NELL2: variants seen among roughly 807,000 people sequenced by gnomAD.
The protein encoded by NELL2 is protein kinase C-binding protein NELL2.
Under a neutral mutation model 109.6 loss-of-function variants are expected in NELL2, and 41 were observed. That is an observed-to-expected ratio of 0.37 (90% CI 0.29 to 0.49). NELL2 has a LOEUF of 0.49. Ranked by LOEUF, NELL2 falls within the 20% of genes least tolerant of loss-of-function variation. The pLI, the probability that NELL2 is intolerant of heterozygous loss-of-function variation, is 0.98. For synonymous variants in NELL2, 355 were observed against 344.7 expected, an observed-to-expected ratio of 1.03 and a Z score of -0.33; for missense variants, 900 against 1,008.3, an observed-to-expected ratio of 0.89 and a Z score of 1.45.
intron 2 of NELL2, among the ~76,000 whole-genome samples, chr12:44,865,361 C>T (rs1252025718): frequency 6.9e-6 from 1 of 143,914 alleles, no homozygotes; most frequent in African/African-American, 2.6e-5. Context: ...GACACATGCA[C>T]ACGTATGTTT....
chr12:44,687,167 T>G (rs1948748719), intron 12 of NELL2, among the ~76,000 whole-genome samples: 1 of 152,202 alleles, frequency 6.6e-6, no homozygotes, highest in Non-Finnish European at 1.5e-5. Flanking sequence ...GACCCGATTT[T>G]CCAGGTGCTG....
intron 17 of NELL2, 92 bp downstream of exon 17, chr12:44,523,199 C>A: frequency 8.3e-7 from 1 of 1,211,688 alleles, no homozygotes; most frequent in Non-Finnish European, 1.2e-6. Flanking sequence ...TGGATGTACA[C>A]ATTGTCAAAA....
chr12:44,636,161 T>C (rs1946628372), intron 13 of NELL2, among the ~76,000 whole-genome samples: 1 of 152,184 alleles, frequency 6.6e-6, no homozygotes, highest in African/African-American at 2.4e-5. Context: ...CTGAGGTTGC[T>C]TATCAGCTTA....
At chr12:44,593,416 G>A (rs994309774) in intron 15 of NELL2, among the ~76,000 whole-genome samples, 1 of 152,168 alleles carries the variant, frequency 6.6e-6, no homozygotes, top group African/African-American at 2.4e-5. Flanking sequence ...TGCCATTTTG[G>A]AGCTATATTG....
intron 15 of NELL2, among the ~76,000 whole-genome samples, chr12:44,605,649 C>T (rs896821127): frequency 5.3e-5 from 8 of 152,126 alleles, no homozygotes; most frequent in African/African-American, 9.7e-5. Flanking sequence ...GGATTGTGCA[C>T]GGCCACTGTT....
chr12:44,756,318 ATT>A (rs1289743688), intron 9 of NELL2, among the ~76,000 whole-genome samples: 2 of 151,256 alleles, frequency 1.3e-5, no homozygotes, highest in African/African-American at 2.4e-5. Context: ...CTTATCTCTC[ATT>A]TTCTCTCTCT....
rs1454279980 is a variant in NELL2, at chr12:44,809,076, G to A, written c.335+6910C>T. 1.3e-5 allele frequency among the ~76,000 whole-genome samples: 2 copies of A among 151,910 alleles called. 1 individual carries two copies. Among genetic ancestry groups the A allele is most frequent in the Non-Finnish European group, 2.9e-5 (2 of 67,938 alleles). On this transcript the variant is annotated intron_variant, in intron 3 of 19. Coordinates refer to ENST00000429094, the MANE Select transcript of NELL2 (RefSeq NM_001145108.2). Reference sequence around the variant, plus strand: ...CTTGGAACAAATTTGTATATCTAAAGTCCAAGATTATTTTAAATAAAGAAG... The same window carrying A: ...CTTGGAACAAATTTGTATATCTAAAATCCAAGATTATTTTAAATAAAGAAG...
intron 16 of NELL2, chr12:44,523,697 A>C: frequency 1.8e-6 from 1 of 559,666 alleles, no homozygotes; most frequent in South Asian, 2.3e-5. Flanking sequence ...TTAAAAAATC[A>C]GGTAACCTTG....
intron 15 of NELL2, among the ~76,000 whole-genome samples, chr12:44,553,885 A>T (rs1029563677): frequency 6.6e-6 from 1 of 152,184 alleles, no homozygotes; most frequent in Non-Finnish European, 1.5e-5. Flanking sequence ...ACACATGCAC[A>T]CACACGCACA....
At chr12:44,544,493 C>T (rs1343553516) in intron 15 of NELL2, among the ~76,000 whole-genome samples, 2 of 151,736 alleles carry the variant, frequency 1.3e-5, no homozygotes, top group African/African-American at 4.8e-5. Context: ...GAAAATAGTC[C>T]CTCAGGTAAT....
At chr12:44,697,491 T>C (rs1232510513) in intron 12 of NELL2, among the ~76,000 whole-genome samples, 2 of 152,170 alleles carry the variant, frequency 1.3e-5, no homozygotes, top group East Asian at 1.9e-4. Context: ...CCACACAGAC[T>C]GTGGCCCCAG....
At chr12:44,620,127 T>TG (rs1218076655) in intron 13 of NELL2, among the ~76,000 whole-genome samples, 2 of 151,658 alleles carry the variant, frequency 1.3e-5, no homozygotes, top group Admixed American at 1.3e-4. Flanking sequence ...TTTTGTTTTT[T>TG]TTTTTTTTTT....
chr12:44,615,555 G>A (rs534993062), intron 13 of NELL2, among the ~76,000 whole-genome samples: 2 of 152,194 alleles, frequency 1.3e-5, no homozygotes, highest in African/African-American at 4.8e-5. Flanking sequence ...CCAAAATTCA[G>A]GCTATTGATT....
At chr12:44,748,335 TAA>T (rs1018471160) in intron 9 of NELL2, among the ~76,000 whole-genome samples, 1 of 152,194 alleles carries the variant, frequency 6.6e-6, no homozygotes, top group Non-Finnish European at 1.5e-5. Flanking sequence ...TTTGCTTTTC[TAA>T]GTCATTGGTA....
At chr12:44,665,067 A>C (rs1335886488) in intron 13 of NELL2, among the ~76,000 whole-genome samples, 2 of 151,858 alleles carry the variant, frequency 1.3e-5, no homozygotes, top group African/African-American at 2.4e-5. Flanking sequence ...AAGCTCATTT[A>C]TATTTAATAG....
chr12:44,623,041 C>T (rs1946114992), intron 13 of NELL2, among the ~76,000 whole-genome samples: 3 of 151,950 alleles, frequency 2.0e-5, no homozygotes, highest in Admixed American at 2.0e-4. Context: ...CTTTAAAGGT[C>T]TTTTAATATT....
At chr12:44,552,782 C>T (rs1943091673) in intron 15 of NELL2, among the ~76,000 whole-genome samples, 1 of 152,106 alleles carries the variant, frequency 6.6e-6, no homozygotes, top group South Asian at 2.1e-4. Flanking sequence ...ATAGCACTCT[C>T]TCTTTCAATG....
chr12:44,539,755 A>C lies in NELL2; in HGVS notation c.1664-7034T>G, dbSNP rs931583613. Among the ~76,000 whole-genome samples, 30 of 152,156 alleles carry C rather than the reference A, an allele frequency of 2.0e-4. 1 individual carries two copies. Among genetic ancestry groups the C allele is most frequent in the Non-Finnish European group, 5.9e-5 (4 of 68,018 alleles). ...AATTTAATGTTTATCTCTAAGAGTA[A>C]ATTTCAAATGGCCATAAATTGTTAT... On this transcript the variant is annotated intron_variant, in intron 15 of 19. Transcript: ENST00000429094.
At chr12:44,808,068 T>C (rs1431455808) in intron 3 of NELL2, among the ~76,000 whole-genome samples, 3 of 152,010 alleles carry the variant, frequency 2.0e-5, no homozygotes, top group African/African-American at 7.2e-5. Flanking sequence ...TGCATCCCCA[T>C]CTAGGAGGAA....
Sources: gnomAD v4.1 joint callset for allele counts (sites outside exome capture counted in the v4.1 genomes callset) on GRCh38, gnomAD v4.1.1 for gene constraint, MANE v1.5 for transcripts, NCBI Gene and HGNC (gene_info 2026-07-23, HGNC 2026-07-21) for gene names.